Variants in CREB1 observed in about 807,000 individuals in gnomAD.
CREB1 encodes cyclic AMP-responsive element-binding protein 1.
A neutral mutation model predicts 42.0 loss-of-function variants in CREB1; 2 were observed. The ratio of observed to expected loss-of-function variants is 0.05; its 90% CI spans 0.02 to 0.15. CREB1 has a LOEUF of 0.15. Among genes scored for constraint, CREB1 ranks in the 10% least tolerant of loss-of-function variants. The pLI, the probability that CREB1 is intolerant of heterozygous loss-of-function variation, is 1.00. For synonymous variants in CREB1, 123 were observed against 139.9 expected, an observed-to-expected ratio of 0.88 and a Z score of 0.85; for missense variants, 199 against 388.9, an observed-to-expected ratio of 0.51 and a Z score of 4.11.
chr2:207,538,393 C>A (rs1218240512), intron 1 of CREB1, among the ~76,000 whole-genome samples: 3 of 152,026 alleles, frequency 2.0e-5, no homozygotes, highest in Non-Finnish European at 2.9e-5. Flanking sequence ...AATCTCAACT[C>A]CTAAAAAAGA....
intron 4 of CREB1, among the ~76,000 whole-genome samples, chr2:207,568,949 TC>T (rs1055882006): frequency 2.6e-5 from 4 of 152,200 alleles, no homozygotes; most frequent in Admixed American, 6.5e-5. Flanking sequence ...TTCATTTCTT[TC>T]CTACCCATCC....
At chr2:207,590,363 A>C (rs2084793892) in intron 7 of CREB1, among the ~76,000 whole-genome samples, 1 of 150,868 alleles carries the variant, frequency 6.6e-6, no homozygotes. Context: ...CTTTTTTTTT[A>C]AGTCTGGCTA....
In CREB1 at chr2:207,593,990, A is replaced by C. The variant is rs141062440; in HGVS notation, c.840-2924A>C. ...TGCCTCAGCCTCCCAAAGCGCTGGG[A>C]CCTGGGATTACAGGGGTGAGCCACC... On this transcript the variant is annotated intron_variant, in intron 7 of 7. Coordinates refer to ENST00000353267, the MANE Select transcript of CREB1 (RefSeq NM_004379.5). Among the ~76,000 whole-genome samples the C allele has an allele frequency of 2.0e-3, 299 of 152,258 alleles. 2 individuals carry two copies. Among genetic ancestry groups the C allele is most frequent in the African/African-American group, 6.6e-3 (276 of 41,552 alleles).
intron 5 of CREB1, among the ~76,000 whole-genome samples, chr2:207,574,837 A>AT (rs2082512154): frequency 6.6e-6 from 1 of 152,194 alleles, no homozygotes; most frequent in Admixed American, 6.5e-5. Context: ...TTGGGTGCCT[A>AT]TTTCATGGCT....
chr2:207,544,844 A>C (rs1243429832), intron 1 of CREB1, among the ~76,000 whole-genome samples: 1 of 151,994 alleles, frequency 6.6e-6, no homozygotes, highest in Non-Finnish European at 1.5e-5. Context: ...TTCCTGTATT[A>C]GTTTGCTGAG....
At chr2:207,539,207 A>ATTTTTTTTTTTTTTTTT (rs528614868) in intron 1 of CREB1, among the ~76,000 whole-genome samples, 2 of 132,976 alleles carry the variant, frequency 1.5e-5, no homozygotes, top group Non-Finnish European at 1.6e-5. Context: ...TACCTGGCTA[A>ATTTTTTTTTTTTTTTTT]TTTTTTTTTT....
intron 1 of CREB1, among the ~76,000 whole-genome samples, chr2:207,539,497 G>A (rs910157183): frequency 6.6e-6 from 1 of 151,972 alleles, no homozygotes; most frequent in Non-Finnish European, 1.5e-5. Flanking sequence ...ACTTTATTAT[G>A]GTTGGTGAAA....
At chr2:207,541,092 C>T (rs1204276753) in intron 1 of CREB1, among the ~76,000 whole-genome samples, 5 of 151,972 alleles carry the variant, frequency 3.3e-5, no homozygotes, top group African/African-American at 9.7e-5. Flanking sequence ...TGGTGGCAGG[C>T]GCCCGTAATC....
chr2:207,570,275 T>C lies in CREB1; in HGVS notation c.459T>C (p.Thr153=), dbSNP rs2082306195. 1 of 1,613,610 alleles carries C rather than the reference T, an allele frequency of 6.2e-7. No individual in the cohort carries two copies. Among genetic ancestry groups the C allele is most frequent in the Non-Finnish European group, 8.5e-7 (1 of 1,179,670 alleles). Residue 153 remains threonine, a synonymous_variant, in exon 5 of 8, where the codon ACT becomes ACC. Coordinates refer to ENST00000353267, the MANE Select transcript of CREB1 (RefSeq NM_004379.5). ...AGACTTCAGCACCTGCCATCACCACTGTAACGGTGCCAACTCCAATTTACC... is the reference window on the plus strand; with the variant it reads ...AGACTTCAGCACCTGCCATCACCACCGTAACGGTGCCAACTCCAATTTACC... ...EEETSAPAIT[T]VTVPTPIYQT...
Position 207,597,058 on chromosome 2 carries a change from A to G in CREB1, c.984A>G (p.Ter328=). Residue 328 remains the stop codon, a stop_retained_variant, in exon 8 of 8, where the codon TAA becomes TAG. Transcript: ENST00000353267. ...LKDLYCHKSD[*] ...ACCTTTACTGCCACAAATCAGATTA[A>G]TTTGGGATTTAAATTTTCACCTGTT... The G allele has an allele frequency of 6.3e-7, 1 of 1,590,636 alleles. No homozygotes were observed. The highest frequency in any genetic ancestry group is 8.5e-7 in the Non-Finnish European group (1 of 1,173,136).
chr2:207,583,126 A>T (rs1347017908), intron 7 of CREB1, among the ~76,000 whole-genome samples: 1 of 152,114 alleles, frequency 6.6e-6, no homozygotes, highest in Non-Finnish European at 1.5e-5. Context: ...TAAATATTAT[A>T]AGTAATCTAG....
At chr2:207,581,339 T>C (rs536017654) in intron 7 of CREB1, 25 of 199,208 alleles carry the variant, frequency 1.3e-4, no homozygotes, top group Admixed American at 9.1e-4. Flanking sequence ...CATTCAACTA[T>C]ATACAACTAG....
chr2:207,603,260 T>C lies in CREB1; in HGVS notation c.*6202T>C, dbSNP rs2087421967. ...TAACACTATGTACATAATAGCTGCT[T>C]TGTGTTCAGAATAGTAGCAGTTGCT... On this transcript the variant is annotated 3_prime_UTR_variant, in exon 8 of 8. Coordinates refer to ENST00000353267, the MANE Select transcript of CREB1 (RefSeq NM_004379.5). 1 of 221,428 alleles carries C rather than the reference T, an allele frequency of 4.5e-6. No individual in the cohort carries two copies. Among genetic ancestry groups the C allele is most frequent in the Non-Finnish European group, 9.0e-6 (1 of 110,776 alleles). 13.7% of individuals were successfully genotyped at this position (221,428 alleles called of 1,614,324 possible).
chr2:207,537,824 C>T (rs1310436215), intron 1 of CREB1, among the ~76,000 whole-genome samples: 1 of 152,122 alleles, frequency 6.6e-6, no homozygotes, highest in Non-Finnish European at 1.5e-5. Flanking sequence ...CTCTGCCAGA[C>T]AAGGCCCTAT....
At chr2:207,532,875 C>T (rs557102773) in intron 1 of CREB1, among the ~76,000 whole-genome samples, 5 of 152,024 alleles carry the variant, frequency 3.3e-5, no homozygotes, top group East Asian at 3.9e-4. Flanking sequence ...CCTGCCCCAG[C>T]CCCCCGAGTA....
chr2:207,576,039 C>T (rs1049764578), intron 6 of CREB1, among the ~76,000 whole-genome samples: 1 of 145,686 alleles, frequency 6.9e-6, no homozygotes, highest in African/African-American at 2.5e-5. Flanking sequence ...GTTGCCCAGG[C>T]TAGTCTTGAA....
chr2:207,594,989 ATCT>A (rs1288901999), intron 7 of CREB1, among the ~76,000 whole-genome samples: 22 of 136,830 alleles, frequency 1.6e-4, no homozygotes, highest in Non-Finnish European at 2.4e-4. Flanking sequence ...GATGTTGAGC[ATCT>A]TTTTTTTTTT....
intron 7 of CREB1, chr2:207,580,602 T>C (rs1405279032): frequency 4.6e-6 from 1 of 217,068 alleles, no homozygotes; most frequent in Non-Finnish European, 9.3e-6. Context: ...ATCTTAAAGT[T>C]TGATAGGAAA....
rs1034566927 is a variant in CREB1 at position 207,605,808 on chromosome 2, G to A, written c.*8750G>A. Among the ~76,000 whole-genome samples, 3 of 152,154 alleles carry A rather than the reference G, an allele frequency of 2.0e-5. No individual in the cohort carries two copies. The highest frequency in any genetic ancestry group is 4.4e-5 in the Non-Finnish European group (3 of 68,024). ...TAGGTCTACACAAGTTGTATCTCCAGGATACTGAGAAGTAAAAGTTATTTC... is the reference window on the plus strand; with the variant it reads ...TAGGTCTACACAAGTTGTATCTCCAAGATACTGAGAAGTAAAAGTTATTTC... On this transcript the variant is annotated 3_prime_UTR_variant, in exon 8 of 8. Coordinates refer to ENST00000353267, the MANE Select transcript of CREB1 (RefSeq NM_004379.5).
Sources: allele counts gnomAD v4.1 joint callset (sites outside exome capture counted in the v4.1 genomes callset), GRCh38; gene constraint gnomAD v4.1.1; transcripts MANE v1.5; gene names NCBI Gene and HGNC (gene_info 2026-07-23, HGNC 2026-07-21).